The following LINGO2 variants were observed in gnomAD, a reference collection of about 807,000 sequenced individuals.
The protein encoded by LINGO2 is leucine-rich repeat and immunoglobulin-like domain-containing nogo receptor-interacting protein 2.
A neutral mutation model predicts 30.6 loss-of-function variants in LINGO2; 14 were observed. The ratio of observed to expected loss-of-function variants is 0.46; its 90% CI spans 0.30 to 0.72. The LOEUF is 0.72. LINGO2 is among the 30% of genes least tolerant of loss of function. LINGO2 has a pLI of 0.07. For synonymous variants in LINGO2, 317 were observed against 288.5 expected, an observed-to-expected ratio of 1.10 and a Z score of -1.00; for missense variants, 729 against 751.7, an observed-to-expected ratio of 0.97 and a Z score of 0.35.
chr9:28,513,062 T>C (rs569059743), intron 1 of LINGO2, among the ~76,000 whole-genome samples: 1 of 150,020 alleles, frequency 6.7e-6, no homozygotes, highest in Admixed American at 6.7e-5. Flanking sequence ...CCAATCAAGT[T>C]GATGCTCAGT....
chr9:29,139,341 T>A, the LINGO2 span, among the ~76,000 whole-genome samples: 1 of 152,270 alleles, frequency 6.6e-6, no homozygotes, highest in African/African-American at 2.4e-5. Context: ...ATGGAAACTC[T>A]GGGATAGTAA....
intron 4 of LINGO2, among the ~76,000 whole-genome samples, chr9:28,145,659 T>C (rs919501728): frequency 6.6e-6 from 1 of 152,020 alleles, no homozygotes; most frequent in African/African-American, 2.4e-5. Flanking sequence ...CTCCCTCACT[T>C]CTCTTCCTCC....
At chr9:28,889,514 T>C in the LINGO2 span, among the ~76,000 whole-genome samples, 1 of 152,112 alleles carries the variant, frequency 6.6e-6, no homozygotes, top group African/African-American at 2.4e-5. Flanking sequence ...GATGATGATA[T>C]AATAACTGGA....
chr9:28,588,897 T>C (rs1173756568), intron 1 of LINGO2, among the ~76,000 whole-genome samples: 2 of 152,002 alleles, frequency 1.3e-5, no homozygotes, highest in Admixed American at 6.6e-5. Flanking sequence ...GCCTGAGACA[T>C]AGTGCACTGC....
At chr9:28,267,722 C>T (rs181231413) in intron 4 of LINGO2, among the ~76,000 whole-genome samples, 7 of 152,056 alleles carry the variant, frequency 4.6e-5, no homozygotes, top group East Asian at 3.9e-4. Flanking sequence ...TTTCTTCGTA[C>T]GCCAAATTTC....
the LINGO2 span, among the ~76,000 whole-genome samples, chr9:28,797,329 C>CAT: frequency 6.6e-3 from 433 of 65,878 alleles, 7 homozygotes; most frequent in Middle Eastern, 0.014. Context: ...ATCATATATA[C>CAT]ATATATATAT....
At chr9:28,446,430 C>A (rs1047225652) in intron 2 of LINGO2, among the ~76,000 whole-genome samples, 4 of 152,202 alleles carry the variant, frequency 2.6e-5, no homozygotes, top group African/African-American at 9.6e-5. Context: ...AAACAAGGTC[C>A]AAATCCCTAA....
intron 4 of LINGO2, among the ~76,000 whole-genome samples, chr9:28,028,948 C>T (rs1195710504): frequency 2.0e-5 from 3 of 152,058 alleles, no homozygotes; most frequent in African/African-American, 4.8e-5. Flanking sequence ...CAGCAGGCCC[C>T]AAGGCAACCA....
the LINGO2 span, among the ~76,000 whole-genome samples, chr9:29,045,333 A>G: frequency 3.3e-5 from 5 of 152,138 alleles, no homozygotes; most frequent in South Asian, 2.1e-4. Context: ...ACAAAAGGGG[A>G]CTACTGTACT....
chr9:27,956,553 T>A (rs1307581661), intron 5 of LINGO2, among the ~76,000 whole-genome samples: 1 of 152,216 alleles, frequency 6.6e-6, no homozygotes, highest in Non-Finnish European at 1.5e-5. Context: ...AAAATTTAAA[T>A]CCATTTTAAC....
At chr9:29,050,977 G>A in the LINGO2 span, among the ~76,000 whole-genome samples, 2 of 152,022 alleles carry the variant, frequency 1.3e-5, no homozygotes, top group Non-Finnish European at 1.5e-5. Flanking sequence ...ACAAGTGTTG[G>A]GCACTAAATG....
At chr9:28,600,074 G>A (rs1041745758) in intron 1 of LINGO2, among the ~76,000 whole-genome samples, 5 of 152,002 alleles carry the variant, frequency 3.3e-5, no homozygotes, top group Non-Finnish European at 4.4e-5. Flanking sequence ...ACTATAAAGA[G>A]CTACCACAAT....
chr9:28,432,847 C>A (rs1180685891), intron 2 of LINGO2, among the ~76,000 whole-genome samples: 1 of 152,082 alleles, frequency 6.6e-6, no homozygotes. Flanking sequence ...TTCAGCTTGA[C>A]TACATTTTCA....
At chr9:28,642,896 C>A (rs1827662399) in intron 1 of LINGO2, among the ~76,000 whole-genome samples, 1 of 152,046 alleles carries the variant, frequency 6.6e-6, no homozygotes, top group African/African-American at 2.4e-5. Context: ...ACATAAATTA[C>A]TGAAGGTCAT....
At chr9:28,872,620 T>C in the LINGO2 span, among the ~76,000 whole-genome samples, 2 of 152,082 alleles carry the variant, frequency 1.3e-5, no homozygotes, top group Non-Finnish European at 2.9e-5. Context: ...GCACAAAAAT[T>C]CCTCTCCAGT....
chr9:29,083,803 G>A, the LINGO2 span, among the ~76,000 whole-genome samples: 1 of 152,044 alleles, frequency 6.6e-6, no homozygotes. Flanking sequence ...AGGTACAAGT[G>A]ATACACTGGC....
At chr9:29,167,093 TG>T in the LINGO2 span, among the ~76,000 whole-genome samples, 1 of 152,144 alleles carries the variant, frequency 6.6e-6, no homozygotes, top group African/African-American at 2.4e-5. Context: ...TTATTTATTT[TG>T]TATAGTATAA....
At chr9:28,433,966 T>TATATATATATATATATACAC (rs752778212) in intron 2 of LINGO2, among the ~76,000 whole-genome samples, 23 of 100,016 alleles carry the variant, frequency 2.3e-4, no homozygotes, top group Middle Eastern at 5.2e-3. Flanking sequence ...TATATATATA[T>TATATATATATATATATACAC]ACACACACAC....
chr9:28,335,535 G>A (rs894875590), intron 3 of LINGO2, among the ~76,000 whole-genome samples: 2 of 152,118 alleles, frequency 1.3e-5, no homozygotes, highest in African/African-American at 2.4e-5. Context: ...CTTATCCAGA[G>A]GATTTGTGCA....
Sources: gnomAD v4.1 joint callset for allele counts (sites outside exome capture counted in the v4.1 genomes callset) on GRCh38, gnomAD v4.1.1 for gene constraint, MANE v1.5 for transcripts, NCBI Gene and HGNC (gene_info 2026-07-23, HGNC 2026-07-21) for gene names.